Variants in UNC13B observed in about 807,000 individuals in gnomAD.
UNC13B encodes the protein unc-13 homolog B.
Under a neutral mutation model 211.0 loss-of-function variants are expected in UNC13B, and 144 were observed. That is an observed-to-expected ratio of 0.68 (90% CI 0.60 to 0.78). UNC13B has a LOEUF of 0.78. Ranked by LOEUF, UNC13B falls within the 30% of genes least tolerant of loss-of-function variation. The pLI, the probability that UNC13B is intolerant of heterozygous loss-of-function variation, is 0.00. For synonymous variants in UNC13B, 709 were observed against 725.8 expected (o/e 0.98, Z 0.37); for missense variants, 1,777 against 2,002.0 (o/e 0.89, Z 2.14).
At chr9:35,319,484 A>G (rs969057486) in intron 11 of UNC13B, among the ~76,000 whole-genome samples, 1 of 148,894 alleles carries the variant, frequency 6.7e-6, no homozygotes, top group African/African-American at 2.5e-5. Flanking sequence ...GGTATTTTGC[A>G]TGATGCTGAG....
At chr9:35,351,938 C>A (rs981077042) in intron 11 of UNC13B, 5 of 1,232,098 alleles carry the variant, frequency 4.1e-6, no homozygotes, top group Admixed American at 4.2e-5. Flanking sequence ...ACAGCGGGAA[C>A]CTTTGGGGGA....
chr9:35,307,501 A>G lies in UNC13B; in HGVS notation c.8097A>G (p.Ser2699=), dbSNP rs527637016. The change falls in exon 9 of 40, where the codon TCA becomes TCG. Residue 2699 remains serine (S), a synonymous_variant. Transcript: ENST00000635942. ...TACTGGAGCTGCATCCAGCCAGTTC[A>G]CTAGAAACTGATACTATGCTGTTCA... ...QDLLELHPAS[S]LETDTMLFND... 11 of 399,038 alleles carry G rather than the reference A, an allele frequency of 2.8e-5. No individual in the cohort carries two copies. The highest frequency in any genetic ancestry group is 2.1e-4 in the East Asian group (6 of 28,078). 24.7% of individuals were successfully genotyped at this position (399,038 alleles called of 1,614,324 possible).
Position 35,378,573 on chromosome 9 carries a change from G to T in UNC13B, c.10205+137G>T, listed in dbSNP as rs1336555942. 10 of 1,144,632 alleles carry T rather than the reference G, an allele frequency of 8.7e-6. No individual in the cohort carries two copies. In the East Asian group the frequency reaches 2.4e-4, roughly 27 times the overall value. 70.9% of individuals were successfully genotyped at this position (1,144,632 alleles called of 1,614,324 possible). A position where few individuals can be genotyped will look rare whatever the true frequency, so the allele number is the denominator to read the frequency against. ...ACTCATTTCTCGCATGCTTCGTTCA[G>T]ACATCAGCCATTCTTTCTCTGGTTT... is the stretch of plus-strand genomic sequence containing the variant. On this transcript the variant is annotated intron_variant, in intron 17 of 39. Coordinates refer to ENST00000635942, the MANE Select transcript of UNC13B (RefSeq NM_001371189.2).
chr9:35,174,950 G>A (rs531819662), intron 1 of UNC13B, among the ~76,000 whole-genome samples: 6 of 152,230 alleles, frequency 3.9e-5, no homozygotes, highest in African/African-American at 1.4e-4. Context: ...TGGGATTACA[G>A]GCATGAGCCA....
intron 1 of UNC13B, among the ~76,000 whole-genome samples, chr9:35,164,151 G>A (rs1025735886): frequency 1.3e-5 from 2 of 152,152 alleles, no homozygotes; most frequent in Non-Finnish European, 2.9e-5. Context: ...CGAGCAGCTG[G>A]AATTACAGGA....
intron 11 of UNC13B, among the ~76,000 whole-genome samples, chr9:35,325,857 G>A (rs1830977178): frequency 6.6e-6 from 1 of 152,114 alleles, no homozygotes; most frequent in South Asian, 2.1e-4. Context: ...CTTTTATTTA[G>A]CTTAATGTTC....
chr9:35,317,945 CA>C (rs1830549346), intron 11 of UNC13B, among the ~76,000 whole-genome samples: 1 of 151,976 alleles, frequency 6.6e-6, no homozygotes, highest in Non-Finnish European at 1.5e-5. Flanking sequence ...TCCTATAAAG[CA>C]AAGCAAAGTA....
chr9:35,399,616 A>T (rs775528108), intron 35 of UNC13B, 33 bp from the exon 36 acceptor site: 2 of 1,612,680 alleles, frequency 1.2e-6, no homozygotes, highest in East Asian at 4.5e-5. Context: ...GACTGCTGTG[A>T]GCTGTCCTGA....
intron 11 of UNC13B, among the ~76,000 whole-genome samples, chr9:35,350,767 C>G (rs1440252755): frequency 6.6e-6 from 1 of 152,210 alleles, no homozygotes; most frequent in African/African-American, 2.4e-5. Flanking sequence ...TGAACGGTTG[C>G]CATCACTCAA....
chr9:35,255,152 G>A (rs2131609179), intron 6 of UNC13B, among the ~76,000 whole-genome samples: 1 of 142,682 alleles, frequency 7.0e-6, no homozygotes, highest in East Asian at 2.0e-4. Context: ...GGAGTGCAGT[G>A]GCACTCCAGT....
chr9:35,205,506 G>A (rs1320685854), intron 1 of UNC13B, among the ~76,000 whole-genome samples: 1 of 152,140 alleles, frequency 6.6e-6, no homozygotes, highest in Non-Finnish European at 1.5e-5. Flanking sequence ...CTGTAAGAAA[G>A]AAACCTCTTA....
At chr9:35,322,814 G>A (rs1291981326) in intron 11 of UNC13B, among the ~76,000 whole-genome samples, 1 of 151,890 alleles carries the variant, frequency 6.6e-6, no homozygotes, top group East Asian at 1.9e-4. Flanking sequence ...AATTTTTTCT[G>A]ATCATGTCTG....
intron 11 of UNC13B, among the ~76,000 whole-genome samples, chr9:35,349,300 A>C (rs1832567716): frequency 6.6e-6 from 1 of 151,850 alleles, no homozygotes; most frequent in East Asian, 1.9e-4. Flanking sequence ...TTCATGGCTA[A>C]TACCAAGAGC....
At chr9:35,254,626 A>G (rs1826710288) in intron 6 of UNC13B, among the ~76,000 whole-genome samples, 1 of 151,662 alleles carries the variant, frequency 6.6e-6, no homozygotes, top group Non-Finnish European at 1.5e-5. Context: ...TTTTTCCCTA[A>G]TTGTTGCAAA....
At chr9:35,287,118 T>TTTTC (rs564451877) in intron 7 of UNC13B, among the ~76,000 whole-genome samples, 40 of 150,894 alleles carry the variant, frequency 2.7e-4, no homozygotes, top group Middle Eastern at 3.4e-3. Flanking sequence ...TTTCATTTCT[T>TTTTC]TTTCTTTCTT....
At chr9:35,310,875 C>A (rs1830152706) in intron 10 of UNC13B, 94 bp downstream of exon 10, 3 of 1,265,924 alleles carry the variant, frequency 2.4e-6, no homozygotes, top group South Asian at 1.5e-5. Context: ...TGTTTCCCTG[C>A]AGCTGGGTAT....
Position 35,403,772 on chromosome 9 carries a change from C to T in UNC13B, c.12762C>T (p.Pro4254=), listed in dbSNP as rs754685906. ...FHFLLGNEEG[P]ESYELQICVK... is the part of the protein sequence containing the mutation. ...GCCTCCTGGGAAATGAGGAGGGGCC[C>T]GAGTCCTATGAGTTGCAGATATGCG... Residue 4254 remains proline, a synonymous_variant, in exon 40 of 40, where the codon CCC becomes CCT. Coordinates refer to ENST00000635942, the MANE Select transcript of UNC13B (RefSeq NM_001371189.2). 29 of 1,613,934 alleles carry T rather than the reference C, an allele frequency of 1.8e-5. No individual in the cohort carries two copies. Among genetic ancestry groups the T allele is most frequent in the East Asian group, 1.8e-4 (8 of 44,894 alleles).
chr9:35,282,765 T>C (rs1481738453), intron 7 of UNC13B, among the ~76,000 whole-genome samples: 1 of 152,126 alleles, frequency 6.6e-6, no homozygotes. Context: ...ATTCTATGGG[T>C]TCCCCCTCCG....
Position 35,399,729 on chromosome 9 carries a change from G to T in UNC13B, c.12336G>T (p.Lys4112Asn). Residue 4112 changes from lysine to asparagine, a missense_variant and splice_region_variant, in exon 36 of 40, where the codon AAG becomes AAT. Transcript: ENST00000635942. ...TTGACCTCGCCCTGGACACCATCAA[G>T]GTGGAGGCCCCCCCTTTTTCAGACA... Reference protein sequence around the residue: ...AVLDLALDTIKQYFHAGGNGL... With the variant: ...AVLDLALDTINQYFHAGGNGL... The T allele has an allele frequency of 6.2e-7, 1 of 1,614,092 alleles. No homozygotes were observed. The highest frequency in any genetic ancestry group is 8.5e-7 in the Non-Finnish European group (1 of 1,180,010).
Sources: allele counts gnomAD v4.1 joint callset (sites outside exome capture counted in the v4.1 genomes callset), GRCh38; gene constraint gnomAD v4.1.1; transcripts MANE v1.5; gene names NCBI Gene and HGNC (gene_info 2026-07-23, HGNC 2026-07-21).